The following SUGCT variants were observed in gnomAD, a reference collection of about 807,000 sequenced individuals.
SUGCT encodes succinyl-CoA:glutarate CoA-transferase.
In SUGCT, 41 loss-of-function variants were observed where a neutral mutation model predicts 55.0. The ratio of observed to expected loss-of-function variants is 0.74; its 90% CI spans 0.58 to 0.97. SUGCT has a LOEUF of 0.97. SUGCT is among the 50% of genes least tolerant of loss of function. The pLI, the probability that SUGCT is intolerant of heterozygous loss-of-function variation, is 0.00. For missense variants in SUGCT, 568 were observed against 547.8 expected (o/e 1.04, Z -0.37); for synonymous variants, 187 against 200.4 (o/e 0.93, Z 0.56).
At chr7:40,509,132 T>C (rs573917130) in intron 12 of SUGCT, among the ~76,000 whole-genome samples, 3 of 152,322 alleles carry the variant, frequency 2.0e-5, no homozygotes, top group East Asian at 3.9e-4. Context: ...GTATCTTTCA[T>C]AGGGCTTAGG....
chr7:40,296,463 C>A (rs1052158797), intron 8 of SUGCT, among the ~76,000 whole-genome samples: 1 of 151,984 alleles, frequency 6.6e-6, no homozygotes, highest in African/African-American at 2.4e-5. Context: ...TGTAATAGCA[C>A]GTGTTACTTG....
chr7:40,183,793 C>T lies in SUGCT; in HGVS notation c.226+1765C>T, dbSNP rs142865790. ...CCTTTGTTCACCAAATAGATATATT[C>T]TGTGTACACATTTCTCACTTTTGTT... On this transcript the variant is annotated intron_variant, in intron 3 of 13. Transcript: ENST00000335693. Among the ~76,000 whole-genome samples the T allele has an allele frequency of 5.5e-4, 83 of 152,280 alleles. 1 individual carries two copies. Among genetic ancestry groups the T allele is most frequent in the African/African-American group, 1.9e-3 (79 of 41,556 alleles).
chr7:40,840,293 C>T (rs1056482905), intron 13 of SUGCT, among the ~76,000 whole-genome samples: 14 of 152,100 alleles, frequency 9.2e-5, no homozygotes, highest in Middle Eastern at 3.4e-3. Flanking sequence ...TGCTTGTAAT[C>T]CTAAGTCTCA....
the SUGCT span, among the ~76,000 whole-genome samples, chr7:41,025,025 G>A: frequency 1.3e-5 from 2 of 152,204 alleles, no homozygotes; most frequent in Admixed American, 6.5e-5. Flanking sequence ...TACTCTGTAA[G>A]TGTTGAAGGG....
the SUGCT span, among the ~76,000 whole-genome samples, chr7:40,992,817 C>T: frequency 3.8e-3 from 575 of 152,082 alleles, 10 homozygotes; most frequent in Non-Finnish European, 5.8e-3. Flanking sequence ...AATGTGGGTA[C>T]AAGAAAACAT....
chr7:40,901,528 C>G, the SUGCT span, among the ~76,000 whole-genome samples: 1 of 152,130 alleles, frequency 6.6e-6, no homozygotes, highest in Non-Finnish European at 1.5e-5. Flanking sequence ...AGGTCATCCC[C>G]AAGGCGTTCT....
intron 12 of SUGCT, among the ~76,000 whole-genome samples, chr7:40,637,950 A>T (rs1800094638): frequency 6.6e-6 from 1 of 152,172 alleles, no homozygotes; most frequent in African/African-American, 2.4e-5. Flanking sequence ...TAAGTACTTG[A>T]TTGCATTATT....
In SUGCT at chr7:40,665,286, A is replaced by G. The variant is rs898518600; in HGVS notation, c.1090-84148A>G. Reference sequence around the variant, plus strand: ...AAACCCTGTCGCTACTAAAAATACAAAAAGAATTAGCCAAGCATTGTGGCG... The same window carrying G: ...AAACCCTGTCGCTACTAAAAATACAGAAAGAATTAGCCAAGCATTGTGGCG... On this transcript the variant is annotated intron_variant, in intron 12 of 13. Transcript: ENST00000335693. 2.6e-5 allele frequency among the ~76,000 whole-genome samples: 4 copies of G among 151,314 alleles called. No individual in the cohort carries two copies. In the East Asian group the frequency reaches 8.0e-4, roughly 30 times the overall value.
At chr7:40,694,315 G>C (rs1165048645) in intron 12 of SUGCT, among the ~76,000 whole-genome samples, 1 of 152,200 alleles carries the variant, frequency 6.6e-6, no homozygotes, top group Non-Finnish European at 1.5e-5. Context: ...GGTTTGCAAA[G>C]CATGTGAGCA....
At chr7:40,802,257 A>G (rs901370637) in intron 13 of SUGCT, among the ~76,000 whole-genome samples, 2 of 151,762 alleles carry the variant, frequency 1.3e-5, no homozygotes, top group African/African-American at 2.4e-5. Context: ...GGATAAATGA[A>G]TTTTTTTTCT....
At chr7:40,626,877 C>T (rs563968936) in intron 12 of SUGCT, among the ~76,000 whole-genome samples, 56 of 152,228 alleles carry the variant, frequency 3.7e-4, no homozygotes, top group Admixed American at 1.2e-3. Flanking sequence ...TTCCTTTCCC[C>T]GTGCATGTCT....
Position 40,258,471 on chromosome 7 carries a change from C to T in SUGCT, c.577-16042C>T, listed in dbSNP as rs571722500. Among the ~76,000 whole-genome samples the T allele has an allele frequency of 1.7e-3, 253 of 152,294 alleles. 1 individual carries two copies. Among genetic ancestry groups the T allele is most frequent in the African/African-American group, 5.9e-3 (245 of 41,566 alleles). On this transcript the variant is annotated intron_variant, in intron 7 of 13. Transcript: ENST00000335693. ...TTGGCTCACTGCAACCTCCACCTCCCGGGTTCAAGCGATAATCCTGCCTCA... is the reference window on the plus strand; with the variant it reads ...TTGGCTCACTGCAACCTCCACCTCCTGGGTTCAAGCGATAATCCTGCCTCA...
intron 12 of SUGCT, among the ~76,000 whole-genome samples, chr7:40,633,570 G>T (rs146498789): frequency 6.6e-6 from 1 of 152,188 alleles, no homozygotes; most frequent in East Asian, 1.9e-4. Context: ...TTTAGCAGGT[G>T]CTTGGTACAA....
the SUGCT span, among the ~76,000 whole-genome samples, chr7:40,922,775 A>T: frequency 6.6e-6 from 1 of 152,170 alleles, no homozygotes; most frequent in Non-Finnish European, 1.5e-5. Context: ...GTGGAGTTTT[A>T]CCTTGCAATA....
intron 6 of SUGCT, among the ~76,000 whole-genome samples, chr7:40,209,943 C>T (rs1787238347): frequency 6.6e-6 from 1 of 152,320 alleles, no homozygotes; most frequent in African/African-American, 2.4e-5. Context: ...ATGTTTCTTA[C>T]AGCTCTCCAA....
chr7:40,377,087 T>C (rs1784584385), intron 9 of SUGCT, among the ~76,000 whole-genome samples: 1 of 45,258 alleles, frequency 2.2e-5, no homozygotes, highest in African/African-American at 4.9e-5. Flanking sequence ...AATCTGTGTT[T>C]ATGTCTTTTA....
At chr7:40,506,595 T>C (rs531597609) in intron 12 of SUGCT, among the ~76,000 whole-genome samples, 15 of 152,318 alleles carry the variant, frequency 9.8e-5, no homozygotes, top group African/African-American at 3.6e-4. Context: ...AAAATCTGAA[T>C]AGTTTTCAGC....
chr7:40,183,845 T>C (rs2150716013), intron 3 of SUGCT, among the ~76,000 whole-genome samples: 1 of 152,276 alleles, frequency 6.6e-6, no homozygotes, highest in African/African-American at 2.4e-5. Flanking sequence ...TTTTGGTGTT[T>C]AGTTCAAGCT....
rs148446415 is a variant in SUGCT at position 40,282,392 on chromosome 7, C to T, written c.720+7736C>T. Among the ~76,000 whole-genome samples, 920 of 151,926 alleles carry T rather than the reference C, an allele frequency of 6.1e-3. 10 individuals carry two copies. The highest frequency in any genetic ancestry group is 0.01 in the Admixed American group (155 of 15,262). On this transcript the variant is annotated intron_variant, in intron 8 of 13. Transcript: ENST00000335693. The stretch of plus-strand genomic sequence containing the variant: ...CTGAGGCACAAGAATCGCTTGAACC[C>T]GGGAGGTGGAGGTTGCAGTGAGCTG...
Sources: gnomAD v4.1 joint callset for allele counts (sites outside exome capture counted in the v4.1 genomes callset) on GRCh38, gnomAD v4.1.1 for gene constraint, MANE v1.5 for transcripts, NCBI Gene and HGNC (gene_info 2026-07-23, HGNC 2026-07-21) for gene names.